The following FRMD4A variants were observed in gnomAD, a reference collection of about 807,000 sequenced individuals.
FRMD4A encodes FERM domain-containing protein 4A.
FRMD4A carries 29 observed loss-of-function variants against 129.1 expected under a neutral mutation model. The observed-to-expected ratio is 0.22, with a 90% CI of 0.17 to 0.31. The LOEUF (loss-of-function observed/expected upper bound fraction) is 0.31. Among genes scored for constraint, FRMD4A ranks in the 10% least tolerant of loss-of-function variants. FRMD4A has a pLI of 1.00. For synonymous variants in FRMD4A, 634 were observed against 571.6 expected, an observed-to-expected ratio of 1.11 and a Z score of -1.56; for missense variants, 1,272 against 1,375.8, an observed-to-expected ratio of 0.92 and a Z score of 1.19.
At chr10:13,735,843 A>C (rs1277949387) in intron 12 of FRMD4A, among the ~76,000 whole-genome samples, 1 of 152,180 alleles carries the variant, frequency 6.6e-6, no homozygotes, top group Non-Finnish European at 1.5e-5. Flanking sequence ...GTGCAAAAAC[A>C]GTCAGGCAGG....
intron 2 of FRMD4A, among the ~76,000 whole-genome samples, chr10:14,293,050 A>C (rs1333722155): frequency 6.6e-6 from 1 of 152,204 alleles, no homozygotes; most frequent in Non-Finnish European, 1.5e-5. Context: ...ATTAAGAAAA[A>C]GACAAACAAG....
chr10:13,845,843 G>A (rs571085903), intron 3 of FRMD4A, among the ~76,000 whole-genome samples: 13 of 152,164 alleles, frequency 8.5e-5, no homozygotes, highest in Non-Finnish European at 1.6e-4. Flanking sequence ...AATGGCCAAG[G>A]TCACGAAGCT....
In FRMD4A at chr10:14,190,668, G is replaced by A. The variant is rs1257660041; in HGVS notation, c.45+139390C>T. ...CCCAAAGTGCTGGGATTACCGGCGT[G>A]AGCCCCGGCATCTGTCAACACTGGA... On this transcript the variant is annotated intron_variant, in intron 2 of 24. Transcript: ENST00000357447. Among the ~76,000 whole-genome samples the A allele has an allele frequency of 2.0e-5, 3 of 152,342 alleles. No individual in the cohort carries two copies. The East Asian group carries it at 5.8e-4, about 29-fold the overall frequency.
At chr10:13,704,433 G>A (rs2399990) in intron 13 of FRMD4A, among the ~76,000 whole-genome samples, 78,033 of 151,840 alleles carry the variant, frequency 0.51, 20,750 homozygotes, top group African/African-American at 0.63. Context: ...CTTCCCTCCA[G>A]CCAGACCCTC....
chr10:14,035,617 G>A (rs538465241), intron 2 of FRMD4A, among the ~76,000 whole-genome samples: 3 of 152,042 alleles, frequency 2.0e-5, no homozygotes, highest in Admixed American at 6.5e-5. Context: ...CCTGGGCTGC[G>A]TACCCACGAG....
chr10:14,317,772 A>AAC (rs55756568), intron 2 of FRMD4A, among the ~76,000 whole-genome samples: 4 of 150,546 alleles, frequency 2.7e-5, no homozygotes, highest in Admixed American at 2.0e-4. Context: ...AAAAAAAAAA[A>AAC]GGAAGAAAGC....
chr10:13,974,569 C>G (rs1268702510), intron 2 of FRMD4A, among the ~76,000 whole-genome samples: 1 of 152,108 alleles, frequency 6.6e-6, no homozygotes, highest in Non-Finnish European at 1.5e-5. Context: ...CTCTGTCGCC[C>G]AGGGTGGAAT....
intron 2 of FRMD4A, among the ~76,000 whole-genome samples, chr10:14,072,500 T>C (rs1360938775): frequency 6.6e-6 from 1 of 152,234 alleles, no homozygotes; most frequent in African/African-American, 2.4e-5. Flanking sequence ...ACTTGTCTTC[T>C]AAAGCCTAAC....
intron 2 of FRMD4A, chr10:13,890,899 G>A (rs957621295): frequency 1.4e-5 from 14 of 976,148 alleles, no homozygotes; most frequent in Non-Finnish European, 1.7e-5. Flanking sequence ...GAATACGCCT[G>A]AATGTACGAA....
intron 5 of FRMD4A, among the ~76,000 whole-genome samples, chr10:13,790,589 G>A (rs759655668): frequency 2.6e-5 from 4 of 152,324 alleles, no homozygotes; most frequent in African/African-American, 4.8e-5. Flanking sequence ...CCACAGAGCC[G>A]GGGGAACTGA....
At chr10:14,134,061 A>G (rs891031788) in intron 2 of FRMD4A, among the ~76,000 whole-genome samples, 3 of 152,280 alleles carry the variant, frequency 2.0e-5, no homozygotes, top group Admixed American at 1.3e-4. Flanking sequence ...GAAAATATAG[A>G]GCCATATCTG....
At chr10:14,086,654 C>CA (rs1284877799) in intron 2 of FRMD4A, among the ~76,000 whole-genome samples, 1 of 152,162 alleles carries the variant, frequency 6.6e-6, no homozygotes, top group Non-Finnish European at 1.5e-5. Context: ...TTTAACATCC[C>CA]AAAGAAAGCC....
chr10:13,694,116 G>T, intron 14 of FRMD4A, 77 bp from the exon 15 acceptor site: 1 of 1,240,394 alleles, frequency 8.1e-7, no homozygotes, highest in Non-Finnish European at 1.1e-6. Context: ...GCCCGCGCCT[G>T]CTCACCGTCT....
rs375865378 is a variant in FRMD4A at position 13,810,771 on chromosome 10, C to A, written c.206+43G>T. 1.6e-5 allele frequency: 17 copies of A among 1,074,800 alleles called. No individual in the cohort carries two copies. In the African/African-American group the frequency reaches 2.6e-4, roughly 17 times the overall value. The allele number at this position is 1,074,800 out of a possible 1,614,324, so 66.6% of individuals were successfully genotyped here. A position where few individuals can be genotyped will look rare whatever the true frequency, so the allele number is the denominator to read the frequency against. On this transcript the variant is annotated intron_variant, in intron 4 of 24. Coordinates refer to ENST00000357447, the MANE Select transcript of FRMD4A (RefSeq NM_018027.5). ...GAGTGGAGCAGTTTCGGGTTCTGCA[C>A]TGACTCTCCCTTCGGGCTGTGAGGG...
At chr10:14,109,028 A>G (rs1385533738) in intron 2 of FRMD4A, among the ~76,000 whole-genome samples, 1 of 152,090 alleles carries the variant, frequency 6.6e-6, no homozygotes, top group Non-Finnish European at 1.5e-5. Context: ...TTACCACCTT[A>G]TTGTTCATAT....
Position 13,656,716 on chromosome 10 carries a change from T to A in FRMD4A, c.2873A>T (p.Gln958Leu). The change falls in exon 22 of 25, where the codon CAG (glutamine) becomes CTG (leucine). Residue 958 changes from glutamine to leucine, a missense_variant. By Grantham distance (113) the Gln-to-Leu change is moderately radical (BLOSUM62 -2). This residue lies in a region of FRMD4A where 972 missense variants were observed against 892.3 expected (regional missense o/e 1.09). Transcript: ENST00000357447. ...GGTGCTCTGGGAGGAGGTGCTGTAC[T>A]GCGAGCCGCTGTCCGAGGAGGTGGA... is the stretch of plus-strand genomic sequence containing the variant. ...TSSTSSDSGS[Q>L]YSTSSQSTFV... 1 of 1,587,520 alleles carries A rather than the reference T, an allele frequency of 6.3e-7. No homozygotes were observed. The highest frequency in any genetic ancestry group is 8.6e-7 in the Non-Finnish European group (1 of 1,168,302).
At position 14,094,169 on chromosome 10, in the gene FRMD4A, G is replaced by T. The variant is rs555277607; in HGVS notation, c.46-235257C>A. ...CTCTGGGCTTCTGATCTGACAGTCT[G>T]GTTCAAAAGAACCAAGGACTGTTCC... On this transcript the variant is annotated intron_variant, in intron 2 of 24. Coordinates refer to ENST00000357447, the MANE Select transcript of FRMD4A (RefSeq NM_018027.5). 2.1e-4 allele frequency among the ~76,000 whole-genome samples: 32 copies of T among 152,338 alleles called. No individual in the cohort carries two copies. The South Asian group carries it at 3.7e-3, about 18-fold the overall frequency.
chr10:14,063,718 A>G (rs189652581), intron 2 of FRMD4A, among the ~76,000 whole-genome samples: 2 of 152,162 alleles, frequency 1.3e-5, no homozygotes, highest in African/African-American at 4.8e-5. Flanking sequence ...ACAGGGGATC[A>G]CCGTTTTAAA....
chr10:14,144,749 C>A (rs776639104), intron 2 of FRMD4A, among the ~76,000 whole-genome samples: 8 of 152,018 alleles, frequency 5.3e-5, no homozygotes, highest in Non-Finnish European at 8.8e-5. Flanking sequence ...AAGCCTTGGG[C>A]CAAATAGGGA....
Sources: gnomAD v4.1 joint callset for allele counts (sites outside exome capture counted in the v4.1 genomes callset) on GRCh38, gnomAD v4.1.1 for gene constraint, gnomAD v4.1.1 regional missense constraint, MANE v1.5 for transcripts, NCBI Gene and HGNC (gene_info 2026-07-23, HGNC 2026-07-21) for gene names.